GRM7: variants seen among roughly 807,000 people sequenced by gnomAD.
GRM7 encodes the protein metabotropic glutamate receptor 7.
In GRM7, 35 loss-of-function variants were observed where a neutral mutation model predicts 84.5. The observed-to-expected ratio is 0.41, with a 90% confidence interval of 0.32 to 0.55. The LOEUF (loss-of-function observed/expected upper bound fraction) is 0.55. Among genes scored for constraint, GRM7 ranks in the 20% least tolerant of loss-of-function variants. The pLI is 0.19. For synonymous variants in GRM7, 487 were observed against 455.1 expected (o/e 1.07, Z -0.89); for missense variants, 1,003 against 1,194.6 (o/e 0.84, Z 2.36).
At chr3:7,670,209 A>G (rs979944912) in intron 8 of GRM7, among the ~76,000 whole-genome samples, 7 of 152,158 alleles carry the variant, frequency 4.6e-5, no homozygotes, top group Admixed American at 6.5e-5. Flanking sequence ...AAAGACATAT[A>G]CAGAGAAAAG....
intron 1 of GRM7, among the ~76,000 whole-genome samples, chr3:6,938,113 C>G (rs1376686401): frequency 6.6e-6 from 1 of 152,174 alleles, no homozygotes; most frequent in African/African-American, 2.4e-5. Flanking sequence ...CTCCTTTAGG[C>G]CTTCATTCCA....
chr3:7,517,371 AG>A (rs1368002667), intron 7 of GRM7, among the ~76,000 whole-genome samples: 416 of 15,350 alleles, frequency 0.027, 2 homozygotes, highest in African/African-American at 0.11. Context: ...TATTATTATT[AG>A]TAGTAGTAGT....
At chr3:7,548,400 G>C (rs78909282) in intron 7 of GRM7, among the ~76,000 whole-genome samples, 12,484 of 152,228 alleles carry the variant, frequency 0.082, 639 homozygotes, top group South Asian at 0.11. Flanking sequence ...AGGTGCTAGT[G>C]CCCTGCTTCT....
At chr3:7,391,749 G>A (rs1053959448) in intron 4 of GRM7, among the ~76,000 whole-genome samples, 2 of 140,250 alleles carry the variant, frequency 1.4e-5, no homozygotes, top group African/African-American at 5.1e-5. Flanking sequence ...AGAAGGGAAT[G>A]AAAAGGTGTG....
At chr3:7,307,362 G>T (rs1001356380) in intron 4 of GRM7, among the ~76,000 whole-genome samples, 1 of 109,162 alleles carries the variant, frequency 9.2e-6, no homozygotes, top group Non-Finnish European at 2.2e-5. Context: ...TGTGTAAAAG[G>T]AGCTTCTCTG....
intron 1 of GRM7, chr3:6,893,888 A>G (rs529972135): frequency 1.3e-5 from 2 of 152,114 alleles, no homozygotes; most frequent in Non-Finnish European, 2.9e-5. Context: ...AAATCTGCCT[A>G]TGTTTTTCTT....
At chr3:6,966,362 G>T (rs1693517984) in intron 1 of GRM7, among the ~76,000 whole-genome samples, 1 of 152,072 alleles carries the variant, frequency 6.6e-6, no homozygotes, top group Admixed American at 6.5e-5. Flanking sequence ...AAAATGTAAG[G>T]ATGCAAGGTT....
intron 3 of GRM7, among the ~76,000 whole-genome samples, chr3:7,302,961 G>C (rs547472372): frequency 4.4e-4 from 52 of 118,960 alleles, no homozygotes; most frequent in Non-Finnish European, 6.8e-4. Context: ...TTTTTGTTGA[G>C]ACAGAGTCTC....
intron 8 of GRM7, among the ~76,000 whole-genome samples, chr3:7,599,547 C>T (rs1267164455): frequency 6.6e-6 from 1 of 152,112 alleles, no homozygotes; most frequent in Non-Finnish European, 1.5e-5. Context: ...GGTCTTATAT[C>T]CAGAGCTTGA....
At chr3:7,583,406 G>A (rs1872398) in intron 8 of GRM7, among the ~76,000 whole-genome samples, 17 of 152,144 alleles carry the variant, frequency 1.1e-4, no homozygotes, top group African/African-American at 3.9e-4. Flanking sequence ...CTCCATCCAC[G>A]CCCAAGGCAG....
At chr3:7,688,912 A>C (rs1700687926) in intron 9 of GRM7, among the ~76,000 whole-genome samples, 1 of 152,212 alleles carries the variant, frequency 6.6e-6, no homozygotes, top group Non-Finnish European at 1.5e-5. Flanking sequence ...GCCACTGTTT[A>C]AAAGCACTCT....
chr3:6,914,175 C>T (rs186645299), intron 1 of GRM7, among the ~76,000 whole-genome samples: 104 of 152,222 alleles, frequency 6.8e-4, no homozygotes, highest in South Asian at 5.6e-3. Flanking sequence ...GCTATTCTTT[C>T]CAGGATCAAC....
At chr3:6,907,096 G>C (rs1354771797) in intron 1 of GRM7, among the ~76,000 whole-genome samples, 1 of 152,030 alleles carries the variant, frequency 6.6e-6, no homozygotes, top group Admixed American at 6.6e-5. Flanking sequence ...TTTAGATACA[G>C]TGTCTTGCCG....
chr3:7,160,240 AC>A, intron 2 of GRM7, among the ~76,000 whole-genome samples: 1 of 152,234 alleles, frequency 6.6e-6, no homozygotes, highest in Middle Eastern at 3.4e-3. Context: ...TCTGTGAAGT[AC>A]TAACAGCCAG....
intron 4 of GRM7, among the ~76,000 whole-genome samples, chr3:7,388,332 G>A (rs1465707748): frequency 6.6e-6 from 1 of 151,884 alleles, no homozygotes; most frequent in Admixed American, 6.6e-5. Flanking sequence ...TGTGCTGCTG[G>A]GTTCAGTTTG....
At chr3:7,577,309 A>G (rs1255070587) in intron 7 of GRM7, among the ~76,000 whole-genome samples, 2 of 152,174 alleles carry the variant, frequency 1.3e-5, no homozygotes, top group African/African-American at 4.8e-5. Context: ...TGAATCAGAA[A>G]ATCTTGCAAA....
intron 7 of GRM7, among the ~76,000 whole-genome samples, chr3:7,544,433 A>T (rs1693039996): frequency 6.6e-6 from 1 of 152,106 alleles, no homozygotes; most frequent in African/African-American, 2.4e-5. Context: ...CGGGATTATA[A>T]ATTAGGAGGA....
chr3:7,476,802 T>A (rs1317653082), intron 7 of GRM7, among the ~76,000 whole-genome samples: 1 of 152,136 alleles, frequency 6.6e-6, no homozygotes, highest in East Asian at 1.9e-4. Flanking sequence ...CTCAAAGACC[T>A]CTCTGACTGT....
intron 2 of GRM7, among the ~76,000 whole-genome samples, chr3:7,276,085 A>T (rs1699040039): frequency 6.6e-6 from 1 of 152,008 alleles, no homozygotes; most frequent in Admixed American, 6.6e-5. Flanking sequence ...ATCTAAAAAG[A>T]GCTGTTGGTA....
Sources: allele counts gnomAD v4.1 joint callset (sites outside exome capture counted in the v4.1 genomes callset), GRCh38; gene constraint gnomAD v4.1.1; transcripts MANE v1.5; gene names NCBI Gene and HGNC (gene_info 2026-07-23, HGNC 2026-07-21).